Variants in SNX19 observed in about 807,000 individuals in gnomAD.
The protein encoded by SNX19 is sorting nexin-19.
A neutral mutation model predicts 85.2 loss-of-function variants in SNX19; 60 were observed. The observed-to-expected ratio is 0.70, with a 90% CI of 0.57 to 0.87. The LOEUF is 0.87. Ranked by LOEUF, SNX19 falls within the 40% of genes least tolerant of loss-of-function variation. The pLI is 0.00. For synonymous variants in SNX19, 520 were observed against 470.0 expected, an observed-to-expected ratio of 1.11 and a Z score of -1.38; for missense variants, 1,201 against 1,217.8, an observed-to-expected ratio of 0.99 and a Z score of 0.21.
In SNX19 at chr11:130,879,688, C is replaced by A; in HGVS notation, c.2782G>T (p.Val928Leu). 3 of 1,613,878 alleles carry A rather than the reference C, an allele frequency of 1.9e-6. No individual in the cohort carries two copies. The highest frequency in any genetic ancestry group is 2.5e-6 in the Non-Finnish European group (3 of 1,179,906). ...CCCCAGCTCAGCCGGCATTTGTTCA[C>A]CCCAAGAATTTCTACTACGAGATCT... ...LPDLVVEILG[V>L]NKCRLSWGLV... Residue 928 changes from valine (V) to leucine (L), a missense_variant, in exon 10 of 11, where the codon GTG becomes TTG. Transcript: ENST00000265909.
rs1383239667 is a variant in SNX19 at position 130,877,915 on chromosome 11, C to CA, written c.*506dup. The stretch of plus-strand genomic sequence containing the variant: ...AACTGTTGGGAAACTAGATTAGACC[C>CA]AGGAGTCTGGTTTTTGAGAATGGCC... On this transcript the variant is annotated 3_prime_UTR_variant, in exon 11 of 11. Coordinates refer to ENST00000265909, the MANE Select transcript of SNX19 (RefSeq NM_014758.3). 6.6e-6 allele frequency: 1 copy of CA among 152,274 alleles called. No homozygotes were observed. The highest frequency in any genetic ancestry group is 2.4e-5 in the African/African-American group (1 of 41,438). The allele number at this position is 152,274 out of a possible 1,614,324, so 9.4% of individuals were successfully genotyped here.
In SNX19 at chr11:130,914,915, C is replaced by G; in HGVS notation, c.1025G>C (p.Gly342Ala). ...TCCTACTTTTCTTTCTTCACACATC[C>G]CACCCAAATCTCCCTCTACAGCTTC... ...GHEAVEGDLG[G>A]MCEERKVGNN... The change falls in exon 1 of 11, where the codon GGG (glycine) becomes GCG (alanine). Residue 342 changes from glycine to alanine, a missense_variant. By Grantham distance (60) the Gly-to-Ala change is moderately conservative. Around this residue, in one of 3 missense-constraint regions of SNX19, gnomAD observed 791 missense variants for 750.9 expected, o/e 1.05. Transcript: ENST00000265909. 6.2e-7 allele frequency: 1 copy of G among 1,614,186 alleles called. No individual in the cohort carries two copies. Among genetic ancestry groups the G allele is most frequent in the Non-Finnish European group, 8.5e-7 (1 of 1,180,040 alleles).
chr11:130,884,890 A>AAAAAAG (rs1565511876), intron 8 of SNX19, among the ~76,000 whole-genome samples: 7 of 145,568 alleles, frequency 4.8e-5, no homozygotes, highest in South Asian at 2.2e-4. Flanking sequence ...AAAAAAAAAA[A>AAAAAAG]AAATTACTTA....
chr11:130,894,852 C>T lies in SNX19; in HGVS notation c.2573+8403G>A, dbSNP rs6590525. The T allele has an allele frequency of 0.031, 30,567 of 985,270 alleles. 5,466 individuals carry two copies. In the African/African-American group the frequency reaches 0.42, roughly 14 times the overall value. 61.0% of individuals were successfully genotyped at this position (985,270 alleles called of 1,614,324 possible). On this transcript the variant is annotated intron_variant, in intron 8 of 10. Coordinates refer to ENST00000265909, the MANE Select transcript of SNX19 (RefSeq NM_014758.3). ...ATCTCACAAGATCTAGCTGTTATAC[C>T]TTCCTCTATAAAGCCTCTCTAACAT... is the stretch of plus-strand genomic sequence containing the variant.
chr11:130,890,042 A>G (rs1944389781), intron 8 of SNX19, among the ~76,000 whole-genome samples: 1 of 152,178 alleles, frequency 6.6e-6, no homozygotes, highest in Admixed American at 6.5e-5. Context: ...AAATCAGAGT[A>G]GATACTAATC....
chr11:130,876,641 T>C lies in SNX19; in HGVS notation c.*1781A>G, dbSNP rs1943271394. 1 of 152,652 alleles carries C rather than the reference T, an allele frequency of 6.6e-6. No homozygotes were observed. The highest frequency in any genetic ancestry group is 2.4e-5 in the African/African-American group (1 of 41,450). The allele number at this position is 152,652 out of a possible 1,614,324, so 9.5% of individuals were successfully genotyped here. On this transcript the variant is annotated 3_prime_UTR_variant, in exon 11 of 11. Coordinates refer to ENST00000265909, the MANE Select transcript of SNX19 (RefSeq NM_014758.3). Reference sequence around the variant, plus strand: ...AGAGAAAAGTGGCATAAAACAAGGCTGTCCCCCTATGCTCATCGAGAATAG... The same window carrying C: ...AGAGAAAAGTGGCATAAAACAAGGCCGTCCCCCTATGCTCATCGAGAATAG...
intron 8 of SNX19, among the ~76,000 whole-genome samples, chr11:130,900,821 T>C (rs1945210460): frequency 6.6e-6 from 1 of 151,722 alleles, no homozygotes; most frequent in African/African-American, 2.4e-5. Context: ...CAAAGGGAAG[T>C]CCAAAAAAAG....
Position 130,894,503 on chromosome 11 carries a change from A to C in SNX19, c.2573+8752T>G, listed in dbSNP as rs78992813. Among the ~76,000 whole-genome samples, 336 of 152,338 alleles carry C rather than the reference A, an allele frequency of 2.2e-3. 8 individuals carry two copies. The East Asian group carries it at 0.051, about 23-fold the overall frequency. ...GTAGAGCAAGCCAGGGAATGGCTTC[A>C]ATATACTGTATCAACATCACGGCAG... On this transcript the variant is annotated intron_variant, in intron 8 of 10. Coordinates refer to ENST00000265909, the MANE Select transcript of SNX19 (RefSeq NM_014758.3).
rs563782142 is a variant in SNX19 at position 130,872,194 on chromosome 11, T to G, written c.*6228A>C. Among the ~76,000 whole-genome samples the G allele has an allele frequency of 6.6e-6, 1 of 152,234 alleles. No homozygotes were observed. Among genetic ancestry groups the G allele is most frequent in the South Asian group, 2.1e-4 (1 of 4,822 alleles). ...AATTCTCTGCATCCTGTCACATGCT[T>G]GTTTCTGCCTCCAAGAAAGCAGAGT... is the stretch of plus-strand genomic sequence containing the variant. On this transcript the variant is annotated 3_prime_UTR_variant, in exon 11 of 11. Transcript: ENST00000265909.
intron 4 of SNX19, chr11:130,908,304 AAAAC>A (rs1467723561): frequency 5.3e-6 from 2 of 377,212 alleles, no homozygotes; most frequent in African/African-American, 4.1e-5. Context: ...CTTGAGGAGT[AAAAC>A]AAACAACGCC....
At chr11:130,902,243 T>C (rs1383861676) in intron 8 of SNX19, among the ~76,000 whole-genome samples, 1 of 152,228 alleles carries the variant, frequency 6.6e-6, no homozygotes, top group South Asian at 2.1e-4. Flanking sequence ...AAATGGAGAT[T>C]GGGCGCTGGC....
chr11:130,915,005 A>G lies in SNX19; in HGVS notation c.935T>C (p.Val312Ala), dbSNP rs1946438591. 1 of 1,614,118 alleles carries G rather than the reference A, an allele frequency of 6.2e-7. No individual in the cohort carries two copies. The highest frequency in any genetic ancestry group is 2.2e-5 in the East Asian group (1 of 44,876). The stretch of plus-strand genomic sequence containing the variant: ...CTCTGGCTCACTGTAACTTAGGAAT[A>G]CTGGGGCTGCTACTGGAGAAGCTCT... ...EGRASPVAAP[V>A]FLSYSEPEGS... Residue 312 changes from valine (V) to alanine (A), a missense_variant, in exon 1 of 11, where the codon GTA becomes GCA. Val to Ala is a moderately conservative substitution (Grantham distance 64, BLOSUM62 0). This residue lies in a region of SNX19 where 791 missense variants were observed against 750.9 expected (regional missense o/e 1.05). Transcript: ENST00000265909.
chr11:130,885,267 G>C (rs1307853638), intron 8 of SNX19, among the ~76,000 whole-genome samples: 1 of 152,178 alleles, frequency 6.6e-6, no homozygotes, highest in Non-Finnish European at 1.5e-5. Context: ...GAGAAGAAAG[G>C]ATGTGGAGAT....
chr11:130,913,637 ATT>A (rs1417194508), intron 1 of SNX19, among the ~76,000 whole-genome samples: 1 of 152,178 alleles, frequency 6.6e-6, no homozygotes, highest in East Asian at 1.9e-4. Flanking sequence ...TTGTCCAAGA[ATT>A]TTCTTTCTCA....
rs1943145579 is a variant in SNX19, at chr11:130,874,459, C to A, written c.*3963G>T. 6.6e-6 allele frequency among the ~76,000 whole-genome samples: 1 copy of A among 152,184 alleles called. No individual in the cohort carries two copies. The highest frequency in any genetic ancestry group is 1.5e-5 in the Non-Finnish European group (1 of 68,032). ...GAAACTGCAGCAGCAGGAAGGCAGG[C>A]AGTCTGAGAGCACAGCTGACCTAAT... On this transcript the variant is annotated 3_prime_UTR_variant, in exon 11 of 11. Transcript: ENST00000265909.
At chr11:130,902,095 G>A (rs556828088) in intron 8 of SNX19, among the ~76,000 whole-genome samples, 1 of 152,340 alleles carries the variant, frequency 6.6e-6, no homozygotes, top group South Asian at 2.1e-4. Flanking sequence ...CTTTGAAGTT[G>A]TACAAATCTG....
chr11:130,915,759 G>A lies in SNX19; in HGVS notation c.181C>T (p.Leu61=), dbSNP rs1228588961. Reference sequence around the variant, plus strand: ...AGGCTGGAGCCCAGCCATCCTCCCAGCACCACTAGCAATGCCGACAGAAGG... The same window carrying A: ...AGGCTGGAGCCCAGCCATCCTCCCAACACCACTAGCAATGCCGACAGAAGG... The part of the protein sequence containing the change: ...LCLLSALLVV[L]GGWLGSSLAG... Residue 61 remains leucine (L), a synonymous_variant, in exon 1 of 11, where the codon CTG becomes TTG. Coordinates refer to ENST00000265909, the MANE Select transcript of SNX19 (RefSeq NM_014758.3). 6.2e-7 allele frequency: 1 copy of A among 1,614,174 alleles called. No individual in the cohort carries two copies. The highest frequency in any genetic ancestry group is 8.5e-7 in the Non-Finnish European group (1 of 1,180,038).
chr11:130,913,160 CTGTTT>C (rs1946275985), intron 1 of SNX19, among the ~76,000 whole-genome samples: 1 of 152,060 alleles, frequency 6.6e-6, no homozygotes, highest in African/African-American at 2.4e-5. Flanking sequence ...AAAAAACCTG[CTGTTT>C]TATGTCAGTA....
intron 1 of SNX19, among the ~76,000 whole-genome samples, chr11:130,913,445 A>T (rs1182854886): frequency 6.6e-6 from 1 of 152,162 alleles, no homozygotes; most frequent in Non-Finnish European, 1.5e-5. Context: ...TCATAATGTT[A>T]CTTTCTAAAA....
Sources: allele counts gnomAD v4.1 joint callset (sites outside exome capture counted in the v4.1 genomes callset), GRCh38; gene constraint gnomAD v4.1.1; regional missense constraint gnomAD v4.1.1; transcripts MANE v1.5; gene names NCBI Gene and HGNC (gene_info 2026-07-23, HGNC 2026-07-21).